The following APOBEC3A variants were observed in gnomAD, a reference collection of about 807,000 sequenced individuals.
APOBEC3A encodes the protein apolipoprotein B mRNA editing enzyme catalytic subunit 3A, also known as DNA dC->dU-editing enzyme APOBEC-3A.
In APOBEC3A, 13 loss-of-function variants were observed where a neutral mutation model predicts 23.0. That is an observed-to-expected ratio of 0.57 (90% confidence interval 0.37 to 0.90). The LOEUF (loss-of-function observed/expected upper bound fraction) is 0.90. Ranked by LOEUF, APOBEC3A falls within the 40% of genes least tolerant of loss-of-function variation. APOBEC3A has a pLI of 0.01. For missense variants in APOBEC3A, 179 were observed against 264.9 expected (o/e 0.68, Z 2.25); for synonymous variants, 74 against 101.3 (o/e 0.73, Z 1.62).
In APOBEC3A at chr22:38,963,094, C is replaced by T. The variant is rs7290153; in HGVS notation, c.*585C>T. The stretch of plus-strand genomic sequence containing the variant: ...ATGAAATGAAATGATAATTTGGCTT[C>T]ATATCTAGACTAACACAAAATTAAG... On this transcript the variant is annotated 3_prime_UTR_variant, in exon 5 of 5. Coordinates refer to ENST00000249116, the MANE Select transcript of APOBEC3A (RefSeq NM_145699.4). The T allele has an allele frequency of 0.02, 3,147 of 154,792 alleles. 424 individuals carry two copies. Among genetic ancestry groups the T allele is most frequent in the East Asian group, 0.14 (621 of 4,594 alleles). The allele number at this position is 154,792 out of a possible 1,614,324, so 9.6% of individuals were successfully genotyped here.
chr22:38,960,645 T>C (rs926148609), intron 2 of APOBEC3A, among the ~76,000 whole-genome samples: 6 of 152,252 alleles, frequency 3.9e-5, no homozygotes, highest in Non-Finnish European at 8.8e-5. Flanking sequence ...CCTTCCCACG[T>C]TGGAGTGAGT....
intron 1 of APOBEC3A, among the ~76,000 whole-genome samples, chr22:38,958,028 T>C (rs1922648585): frequency 6.6e-6 from 1 of 152,262 alleles, no homozygotes; most frequent in Non-Finnish European, 1.5e-5. Flanking sequence ...CTCACTTGTC[T>C]TTAAATGAGC....
At chr22:38,958,303 T>G (rs1251272778) in intron 1 of APOBEC3A, among the ~76,000 whole-genome samples, 2 of 151,504 alleles carry the variant, frequency 1.3e-5, no homozygotes, top group Non-Finnish European at 2.9e-5. Context: ...CCTTCCTTCC[T>G]TCCTTCCTTC....
At chr22:38,959,752 G>A in intron 2 of APOBEC3A, 66 bp downstream of exon 2, 1 of 1,567,220 alleles carries the variant, frequency 6.4e-7, no homozygotes, top group Non-Finnish European at 8.7e-7. Context: ...ATAGGTAGAA[G>A]GTTCCGGATT....
Position 38,963,027 on chromosome 22 carries a change from A to C in APOBEC3A, c.*518A>C, listed in dbSNP as rs1174650519. Reference sequence around the variant, plus strand: ...TCTTATGTTCCAAGTACACAATAGTAAGATTATGCTCAATATTCTCAGAAT... The same window carrying C: ...TCTTATGTTCCAAGTACACAATAGTCAGATTATGCTCAATATTCTCAGAAT... On this transcript the variant is annotated 3_prime_UTR_variant, in exon 5 of 5. Transcript: ENST00000249116. 1.2e-5 allele frequency: 2 copies of C among 165,740 alleles called. No homozygotes were observed. Among genetic ancestry groups the C allele is most frequent in the African/African-American group, 2.4e-5 (1 of 41,324 alleles). The allele number at this position is 165,740 out of a possible 1,614,324, so 10.3% of individuals were successfully genotyped here. A position where few individuals can be genotyped will look rare whatever the true frequency, so the allele number is the denominator to read the frequency against.
chr22:38,961,824 G>A (rs894882616), intron 3 of APOBEC3A, 143 bp downstream of exon 3: 6 of 1,253,498 alleles, frequency 4.8e-6, no homozygotes, highest in South Asian at 3.0e-5. Context: ...TGGGAAGAGA[G>A]AGGCCAGGCC....
chr22:38,962,671 C>A lies in APOBEC3A; in HGVS notation c.*162C>A. 2 of 1,513,856 alleles carry A rather than the reference C, an allele frequency of 1.3e-6. No homozygotes were observed. Among genetic ancestry groups the A allele is most frequent in the Non-Finnish European group, 1.8e-6 (2 of 1,127,034 alleles). 93.8% of individuals were successfully genotyped at this position (1,513,856 alleles called of 1,614,324 possible). ...CCGATCAAGTAGATTTTTAAAAAAT[C>A]AGAGTGGGCCGGGCGCGGTGGCTCA... On this transcript the variant is annotated 3_prime_UTR_variant, in exon 5 of 5. Coordinates refer to ENST00000249116, the MANE Select transcript of APOBEC3A (RefSeq NM_145699.4).
At chr22:38,959,845 G>A (rs573694602) in intron 2 of APOBEC3A, among the ~76,000 whole-genome samples, 159 bp downstream of exon 2, 1 of 152,238 alleles carries the variant, frequency 6.6e-6, no homozygotes, top group Admixed American at 6.5e-5. Context: ...GGGAGACTTC[G>A]GCTTCAGTGA....
intron 4 of APOBEC3A, 75 bp downstream of exon 4, chr22:38,962,288 C>G: frequency 1.1e-5 from 18 of 1,609,012 alleles, no homozygotes; most frequent in Non-Finnish European, 1.5e-5. Flanking sequence ...CTTGCCTTCC[C>G]CTCTGCTCAG....
chr22:38,958,611 C>T (rs1603263519), intron 1 of APOBEC3A, among the ~76,000 whole-genome samples: 1 of 140,534 alleles, frequency 7.1e-6, no homozygotes. Context: ...CTCTTTCTCC[C>T]TTTCTCCCTC....
chr22:38,962,057 C>T, intron 3 of APOBEC3A, 41 bp from the exon 4 acceptor site: 1 of 1,583,296 alleles, frequency 6.3e-7, no homozygotes, highest in South Asian at 1.1e-5. Flanking sequence ...CACCCCGATC[C>T]CACAGCGGGA....
At position 38,962,788 on chromosome 22, in the gene APOBEC3A, C is replaced by A; in HGVS notation, c.*279C>A. 1 of 751,512 alleles carries A rather than the reference C, an allele frequency of 1.3e-6. No individual in the cohort carries two copies. Among genetic ancestry groups the A allele is most frequent in the South Asian group, 2.0e-5 (1 of 49,624 alleles). 46.6% of individuals were successfully genotyped at this position (751,512 alleles called of 1,614,324 possible). On this transcript the variant is annotated 3_prime_UTR_variant, in exon 5 of 5. Coordinates refer to ENST00000249116, the MANE Select transcript of APOBEC3A (RefSeq NM_145699.4). ...CCTGGCTAACACGGTGAAACCCTGT[C>A]TCTACTAAAAATACAAAAAATTAGC... is the stretch of plus-strand genomic sequence containing the variant.
chr22:38,962,044 T>A, intron 3 of APOBEC3A, 54 bp from the exon 4 acceptor site: 1 of 1,572,694 alleles, frequency 6.4e-7, no homozygotes. Context: ...GGGCCCTAGG[T>A]GCCACCCCGA....
chr22:38,957,695 G>A lies in APOBEC3A; in HGVS notation c.4G>A (p.Glu2Lys). The change falls in exon 1 of 5, where the codon GAA becomes AAA. Residue 2 changes from glutamate to lysine, a missense_variant. Glu to Lys is a moderately conservative substitution (Grantham distance 56). Transcript: ENST00000249116. ...GGAACCGAGAAGGGACAAGCACATG[G>A]AAGCCAGCCCAGCATCCGGGCCCAG... Reference protein sequence around the residue: MEASPASGPRHL... With the variant: MKASPASGPRHL... 5 of 1,612,966 alleles carry A rather than the reference G, an allele frequency of 3.1e-6. No homozygotes were observed. The highest frequency in any genetic ancestry group is 4.2e-6 in the Non-Finnish European group (5 of 1,179,462).
chr22:38,962,155 G>A lies in APOBEC3A; in HGVS notation c.527G>A (p.Trp176Ter). 1 of 1,613,384 alleles carries A rather than the reference G, an allele frequency of 6.2e-7. No homozygotes were observed. The highest frequency in any genetic ancestry group is 8.5e-7 in the Non-Finnish European group (1 of 1,179,966). Residue 176 changes from tryptophan (W) to a stop codon, truncating the protein, a stop_gained, in exon 4 of 5, where the codon TGG becomes TAG. Transcript: ENST00000249116. LOFTEE classifies it high-confidence loss of function. ...VDHQGCPFQP[W>*]DGLDEHSQAL... The stretch of plus-strand genomic sequence containing the variant: ...CACCAGGGATGTCCCTTCCAGCCCT[G>A]GGATGGACTAGATGAGCACAGCCAA...
At chr22:38,961,148 A>G (rs1922861897) in intron 2 of APOBEC3A, among the ~76,000 whole-genome samples, 1 of 149,352 alleles carries the variant, frequency 6.7e-6, no homozygotes, top group Non-Finnish European at 1.5e-5. Context: ...GGGGCAAAAT[A>G]AAACCTCATT....
rs894016096 is a variant in APOBEC3A at position 38,957,713 on chromosome 22, G to A, written c.22G>A (p.Gly8Arg). 13 of 1,612,324 alleles carry A rather than the reference G, an allele frequency of 8.1e-6. No individual in the cohort carries two copies. The highest frequency in any genetic ancestry group is 2.7e-5 in the African/African-American group (2 of 74,872). ...GCACATGGAAGCCAGCCCAGCATCC[G>A]GGCCCAGGTATGGGAAGCCCCTCCG... Reference protein sequence around the residue: MEASPASGPRHLMDPHIF... With the variant: MEASPASRPRHLMDPHIF... The change falls in exon 1 of 5, where the codon GGG becomes AGG. Residue 8 changes from glycine (G) to arginine (R), a missense_variant. Gly to Arg is a moderately radical substitution (Grantham distance 125). This residue lies in a region of APOBEC3A where 87 missense variants were observed against 74.5 expected (regional missense o/e 1.17). Transcript: ENST00000249116.
chr22:38,962,674 A>T lies in APOBEC3A; in HGVS notation c.*165A>T. The T allele has an allele frequency of 6.6e-7, 1 of 1,508,678 alleles. No individual in the cohort carries two copies. 93.5% of individuals were successfully genotyped at this position (1,508,678 alleles called of 1,614,324 possible). The stretch of plus-strand genomic sequence containing the variant: ...ATCAAGTAGATTTTTAAAAAATCAG[A>T]GTGGGCCGGGCGCGGTGGCTCACGC... On this transcript the variant is annotated 3_prime_UTR_variant, in exon 5 of 5. Transcript: ENST00000249116.
At position 38,959,574 on chromosome 22, in the gene APOBEC3A, A is replaced by G. The variant is rs144004124; in HGVS notation, c.62A>G (p.Asn21Ser). 10 of 1,613,944 alleles carry G rather than the reference A, an allele frequency of 6.2e-6. No individual in the cohort carries two copies. The highest frequency in any genetic ancestry group is 8.5e-6 in the Non-Finnish European group (10 of 1,179,986). Residue 21 changes from asparagine to serine, a missense_variant, in exon 2 of 5, where the codon AAC becomes AGC. Around this residue, in one of 5 missense-constraint regions of APOBEC3A, gnomAD observed 87 missense variants for 74.5 expected, o/e 1.17. Coordinates refer to ENST00000249116, the MANE Select transcript of APOBEC3A (RefSeq NM_145699.4). ...ATGGATCCACACATATTCACTTCCAACTTTAACAATGGCATTGGAAGGCAT... is the reference window on the plus strand; with the variant it reads ...ATGGATCCACACATATTCACTTCCAGCTTTAACAATGGCATTGGAAGGCAT... ...HLMDPHIFTS[N>S]FNNGIGRHKT...
Sources: allele counts gnomAD v4.1 joint callset (sites outside exome capture counted in the v4.1 genomes callset), GRCh38; gene constraint gnomAD v4.1.1; regional missense constraint gnomAD v4.1.1; transcripts MANE v1.5; gene names NCBI Gene and HGNC (gene_info 2026-07-23, HGNC 2026-07-21).